N4BP2L1: variants seen among roughly 807,000 people sequenced by gnomAD.
The protein encoded by N4BP2L1 is NEDD4-binding protein 2-like 1.
A neutral mutation model predicts 21.2 loss-of-function variants in N4BP2L1; 12 were observed. The observed-to-expected ratio is 0.57, with a 90% CI of 0.36 to 0.92. The LOEUF (loss-of-function observed/expected upper bound fraction) is 0.92, where lower values mean the gene tolerates loss of function less well. Ranked by LOEUF, N4BP2L1 falls within the 40% of genes least tolerant of loss-of-function variation. The pLI is 0.01. For synonymous variants in N4BP2L1, 104 were observed against 112.8 expected (o/e 0.92, Z 0.49); for missense variants, 259 against 310.6 (o/e 0.83, Z 1.25).
chr13:32,407,226 A>T, intron 3 of N4BP2L1, 24 bp downstream of exon 3: 1 of 1,609,140 alleles, frequency 6.2e-7, no homozygotes. Flanking sequence ...ATAACTGAAA[A>T]TTCAGAATGA....
At chr13:32,423,475 A>G (rs2074594952) in intron 1 of N4BP2L1, among the ~76,000 whole-genome samples, 1 of 152,228 alleles carries the variant, frequency 6.6e-6, no homozygotes, top group South Asian at 2.1e-4. Flanking sequence ...AATAAGATTG[A>G]CAACTTTTAA....
intron 4 of N4BP2L1, chr13:32,403,860 A>C (rs1011968680): frequency 3.2e-5 from 15 of 469,772 alleles, no homozygotes; most frequent in African/African-American, 3.0e-4. Context: ...ACAGACAGAG[A>C]ATATCTGAAC....
intron 1 of N4BP2L1, among the ~76,000 whole-genome samples, chr13:32,421,383 G>A (rs1039571158): frequency 1.3e-5 from 2 of 152,164 alleles, no homozygotes; most frequent in Admixed American, 6.5e-5. Flanking sequence ...CTTAAAATCT[G>A]TGGGGAAAGA....
chr13:32,429,289 G>A (rs2074932623), upstream of N4BP2L1, among the ~76,000 whole-genome samples: 2 of 152,336 alleles, frequency 1.3e-5, no homozygotes, highest in African/African-American at 2.4e-5. Context: ...GGGATAGGGC[G>A]GAGTGGGAGA....
intron 1 of N4BP2L1, chr13:32,416,624 A>ATT (rs34754071): frequency 6.6e-6 from 1 of 151,760 alleles, no homozygotes; most frequent in East Asian, 1.9e-4. Flanking sequence ...TTCCTTGAGA[A>ATT]TTTTTTTTCT....
At chr13:32,419,671 T>C (rs919223985) in intron 1 of N4BP2L1, among the ~76,000 whole-genome samples, 1 of 152,124 alleles carries the variant, frequency 6.6e-6, no homozygotes, top group Non-Finnish European at 1.5e-5. Context: ...TCCACCACGA[T>C]TGTAAGTTGT....
chr13:32,418,524 G>A (rs2074274067), intron 1 of N4BP2L1, among the ~76,000 whole-genome samples: 1 of 152,222 alleles, frequency 6.6e-6, no homozygotes, highest in Non-Finnish European at 1.5e-5. Flanking sequence ...CCCACACAGA[G>A]GCTCCACTGG....
chr13:32,407,542 G>A, intron 2 of N4BP2L1, 103 bp downstream of exon 2: 1 of 1,600,314 alleles, frequency 6.2e-7, no homozygotes, highest in South Asian at 1.1e-5. Context: ...AAAATTGGCA[G>A]AACTTTCGGT....
At chr13:32,410,291 G>C (rs1168393401) in intron 1 of N4BP2L1, among the ~76,000 whole-genome samples, 1 of 152,230 alleles carries the variant, frequency 6.6e-6, no homozygotes, top group African/African-American at 2.4e-5. Flanking sequence ...CCTTCTGAAA[G>C]AGCCTCACCC....
At chr13:32,418,686 A>C (rs1397253864) in intron 1 of N4BP2L1, among the ~76,000 whole-genome samples, 2 of 152,236 alleles carry the variant, frequency 1.3e-5, no homozygotes, top group Non-Finnish European at 1.5e-5. Context: ...TGTACCTTGC[A>C]AAGCCACAGG....
rs576174873 is a variant in N4BP2L1, at chr13:32,401,907, G to A, written c.*1035C>T. On this transcript the variant is annotated 3_prime_UTR_variant, in exon 5 of 5. Coordinates refer to ENST00000380130, the MANE Select transcript of N4BP2L1 (RefSeq NM_052818.3). Reference sequence around the variant, plus strand: ...ACATTAAATCTGATTCCAACCTGTTGGAAATTAATTTGGATTCATAAATTC... The same window carrying A: ...ACATTAAATCTGATTCCAACCTGTTAGAAATTAATTTGGATTCATAAATTC... 2.5e-5 allele frequency: 25 copies of A among 985,128 alleles called. 1 individual carries two copies. The South Asian group carries it at 7.5e-4, about 30-fold the overall frequency. 61.0% of individuals were successfully genotyped at this position (985,128 alleles called of 1,614,324 possible).
rs73458475 is a variant in N4BP2L1 at position 32,422,919 on chromosome 13, T to C, written c.179+4985A>G. ...ACCTGTCTGACCCTCCACTTTTATA[T>C]TCACAGAGTTGGAATGCTGCAAACA... On this transcript the variant is annotated intron_variant, in intron 1 of 4. Coordinates refer to ENST00000380130, the MANE Select transcript of N4BP2L1 (RefSeq NM_052818.3). Among the ~76,000 whole-genome samples the C allele has an allele frequency of 6.8e-3, 1,039 of 152,322 alleles. 18 individuals carry two copies. The highest frequency in any genetic ancestry group is 0.024 in the African/African-American group (993 of 41,580).
intron 1 of N4BP2L1, among the ~76,000 whole-genome samples, chr13:32,426,418 C>T (rs534779514): frequency 6.6e-6 from 1 of 152,114 alleles, no homozygotes; most frequent in Admixed American, 6.5e-5. Flanking sequence ...CTGTCCTCCA[C>T]CTCCCCTCCC....
upstream of N4BP2L1, among the ~76,000 whole-genome samples, chr13:32,429,591 C>A (rs206339): frequency 6.6e-6 from 1 of 152,090 alleles, no homozygotes; most frequent in Non-Finnish European, 1.5e-5. Context: ...CTACTGCAAA[C>A]ACGCTGTGCC....
intron 1 of N4BP2L1, among the ~76,000 whole-genome samples, chr13:32,422,645 A>G (rs1244554640): frequency 6.6e-6 from 1 of 152,098 alleles, no homozygotes; most frequent in Non-Finnish European, 1.5e-5. Context: ...TAGCTGGGCA[A>G]TCTTTCCTGA....
rs2073109635 is a variant in N4BP2L1, at chr13:32,401,168, A to C, written c.*1774T>G. 1 of 152,214 alleles carries C rather than the reference A, an allele frequency of 6.6e-6. No individual in the cohort carries two copies. The highest frequency in any genetic ancestry group is 3.4e-3 in the Middle Eastern group (1 of 294). The allele number at this position is 152,214 out of a possible 1,614,324, so 9.4% of individuals were successfully genotyped here. ...CGCTCATGTGAAATCAAAGGATGGTAATTTCCACTTTGAGCTCTCTGACAT... is the reference window on the plus strand; with the variant it reads ...CGCTCATGTGAAATCAAAGGATGGTCATTTCCACTTTGAGCTCTCTGACAT... On this transcript the variant is annotated 3_prime_UTR_variant, in exon 5 of 5. Coordinates refer to ENST00000380130, the MANE Select transcript of N4BP2L1 (RefSeq NM_052818.3).
At chr13:32,416,443 C>T (rs914360832) in intron 1 of N4BP2L1, 1 of 152,170 alleles carries the variant, frequency 6.6e-6, no homozygotes, top group Non-Finnish European at 1.5e-5. Context: ...TCTAGTGATA[C>T]TTATTTGCAA....
chr13:32,417,985 G>T (rs1219472271), intron 1 of N4BP2L1, among the ~76,000 whole-genome samples: 5 of 152,224 alleles, frequency 3.3e-5, no homozygotes, highest in Non-Finnish European at 7.3e-5. Context: ...AAAATTTGCA[G>T]CCTGATGATG....
rs764561311 is a variant in N4BP2L1, at chr13:32,402,517, A to ACTTTTCT, written c.*424_*425insAGAAAAG. 2.1e-6 allele frequency: 2 copies of ACTTTTCT among 970,516 alleles called. No homozygotes were observed. The highest frequency in any genetic ancestry group is 1.8e-5 in the African/African-American group (1 of 56,476). The allele number at this position is 970,516 out of a possible 1,614,324, so 60.1% of individuals were successfully genotyped here. On this transcript the variant is annotated 3_prime_UTR_variant, in exon 5 of 5. Transcript: ENST00000380130. ...AGCAATGGCACTTTGATAAGTAGCA[A>ACTTTTCT]TGCCCCCCCACCACTTCTCTCCACC... is the stretch of plus-strand genomic sequence containing the variant.
Sources: gnomAD v4.1 joint callset for allele counts (sites outside exome capture counted in the v4.1 genomes callset) on GRCh38, gnomAD v4.1.1 for gene constraint, MANE v1.5 for transcripts, NCBI Gene and HGNC (gene_info 2026-07-23, HGNC 2026-07-21) for gene names.